Variants in MYOC observed in about 807,000 individuals in gnomAD.
MYOC encodes the protein myocilin.
Under a neutral mutation model 28.2 loss-of-function variants are expected in MYOC, and 29 were observed. The ratio of observed to expected loss-of-function variants is 1.03; its 90% CI spans 0.77 to 1.40. The LOEUF is 1.40. Ranked by LOEUF, MYOC falls within the 40% of genes most tolerant of loss-of-function variation. The probability of loss-of-function intolerance (pLI) is 0.00; values close to 1 mark genes in which losing one functional copy is unlikely to be tolerated. For synonymous variants in MYOC, 240 were observed against 245.6 expected (o/e 0.98, Z 0.21); for missense variants, 569 against 620.6 (o/e 0.92, Z 0.88).
chr1:171,652,163 G>A lies in MYOC; in HGVS notation c.449C>T (p.Ser150Leu). ...TAYSNLLRDK[S>L]VLEEEKKRLR... The stretch of plus-strand genomic sequence containing the variant: ...TCGCTTCTTCTCTTCCTCCAGAACT[G>A]ACTTGTCTCGGAGGAGGTTGCTGTA... Residue 150 changes from serine (S) to leucine (L), a missense_variant, in exon 1 of 3, where the codon TCA becomes TTA. Coordinates refer to ENST00000037502, the MANE Select transcript of MYOC (RefSeq NM_000261.2). 6.2e-7 allele frequency: 1 copy of A among 1,614,116 alleles called. No individual in the cohort carries two copies. Among genetic ancestry groups the A allele is most frequent in the Non-Finnish European group, 8.5e-7 (1 of 1,180,010 alleles).
At chr1:171,641,679 G>C (rs985156017) in intron 1 of MYOC, among the ~76,000 whole-genome samples, 1 of 152,174 alleles carries the variant, frequency 6.6e-6, no homozygotes, top group Admixed American at 6.5e-5. Context: ...AGAATAAAAA[G>C]ACATGCTTAA....
At chr1:171,644,143 A>T (rs1205705061) in intron 1 of MYOC, among the ~76,000 whole-genome samples, 1 of 152,152 alleles carries the variant, frequency 6.6e-6, no homozygotes, top group Non-Finnish European at 1.5e-5. Flanking sequence ...TGTCAATACT[A>T]AAATTTCTCT....
rs57155423 is a variant in MYOC at position 171,640,082 on chromosome 1, T to TA, written c.605-1361dup. 3.1e-4 allele frequency among the ~76,000 whole-genome samples: 46 copies of TA among 146,530 alleles called. No homozygotes were observed. The South Asian group carries it at 3.7e-3, about 12-fold the overall frequency. On this transcript the variant is annotated intron_variant, in intron 1 of 2. Coordinates refer to ENST00000037502, the MANE Select transcript of MYOC (RefSeq NM_000261.2). ...TTGGGCAACATAGGGAGACTCCTGT[T>TA]AAAAAAAAAAAAAAGATAAAAGTTT...
chr1:171,651,541 G>T lies in MYOC; in HGVS notation c.604+467C>A, dbSNP rs7512128. ...GAGGTGCCATCTCTTTATTTTGCCA[G>T]GGAAGAACATTTAAAAATAAACAAA... On this transcript the variant is annotated intron_variant, in intron 1 of 2. Coordinates refer to ENST00000037502, the MANE Select transcript of MYOC (RefSeq NM_000261.2). Among the ~76,000 whole-genome samples the T allele has an allele frequency of 3.3e-5, 5 of 152,096 alleles. 1 individual carries two copies. The highest frequency in any genetic ancestry group is 7.4e-5 in the Non-Finnish European group (5 of 68,026).
intron 1 of MYOC, among the ~76,000 whole-genome samples, chr1:171,649,620 AC>A (rs1653307273): frequency 6.6e-6 from 1 of 152,144 alleles, no homozygotes; most frequent in Non-Finnish European, 1.5e-5. Context: ...ACATGGTGAA[AC>A]CCTGTCTCTA....
At chr1:171,641,928 A>G (rs1653086698) in intron 1 of MYOC, among the ~76,000 whole-genome samples, 1 of 152,232 alleles carries the variant, frequency 6.6e-6, no homozygotes, top group South Asian at 2.1e-4. Flanking sequence ...CAGAAGTCTT[A>G]ATCCTCTGGT....
intron 1 of MYOC, among the ~76,000 whole-genome samples, chr1:171,646,417 A>G (rs960371336): frequency 6.6e-6 from 1 of 152,324 alleles, no homozygotes. Context: ...GAAAACCAAA[A>G]AGAGACTGTG....
intron 2 of MYOC, 47 bp from the exon 3 acceptor site, chr1:171,636,756 T>C (rs752814461): frequency 6.3e-6 from 10 of 1,580,412 alleles, no homozygotes; most frequent in Non-Finnish European, 8.6e-6. Flanking sequence ...ATCCATAATC[T>C]TTCCAAACAC....
chr1:171,650,552 C>A (rs1312477858), intron 1 of MYOC, among the ~76,000 whole-genome samples: 1 of 152,148 alleles, frequency 6.6e-6, no homozygotes, highest in African/African-American at 2.4e-5. Context: ...ATGTTATGGA[C>A]AAGAAATGAA....
intron 2 of MYOC, among the ~76,000 whole-genome samples, chr1:171,637,321 C>T (rs1652946854): frequency 6.6e-6 from 1 of 152,030 alleles, no homozygotes; most frequent in African/African-American, 2.4e-5. Context: ...GTTTTTCAAG[C>T]CCTGATGAGT....
At chr1:171,641,993 T>C (rs1238310556) in intron 1 of MYOC, among the ~76,000 whole-genome samples, 1 of 152,214 alleles carries the variant, frequency 6.6e-6, no homozygotes, top group Non-Finnish European at 1.5e-5. Context: ...ATCTCCAGAG[T>C]CAGGGTACCT....
At chr1:171,642,546 C>T (rs1196321818) in intron 1 of MYOC, among the ~76,000 whole-genome samples, 1 of 150,260 alleles carries the variant, frequency 6.7e-6, no homozygotes, top group Admixed American at 6.6e-5. Flanking sequence ...TCCAAGAGGG[C>T]AAGGCTGCAG....
chr1:171,640,406 G>A (rs1315818073), intron 1 of MYOC, among the ~76,000 whole-genome samples: 1 of 152,052 alleles, frequency 6.6e-6, no homozygotes, highest in Non-Finnish European at 1.5e-5. Context: ...ACAAGGATGA[G>A]GCAATAGTCA....
rs774268708 is a variant in MYOC at position 171,636,595 on chromosome 1, TG to T, written c.844del (p.Gln282ArgfsTer64). 2.5e-6 allele frequency: 4 copies of T among 1,612,506 alleles called. No individual in the cohort carries two copies. The African/African-American group carries it at 4.0e-5, about 16-fold the overall frequency. ...RDPKPTYPYT[Q>X]ETTWRIDTVG... ...TGTGTCGATTCTCCACGTGGTCTCC[TG>T]GGTGTAGGGGTAGGTGGGCTTGGGG... On this transcript the variant is annotated frameshift_variant, in exon 3 of 3. Coordinates refer to ENST00000037502, the MANE Select transcript of MYOC (RefSeq NM_000261.2). LOFTEE classifies it low-confidence loss of function (END_TRUNC).
chr1:171,651,645 T>C (rs1196199502), intron 1 of MYOC, among the ~76,000 whole-genome samples: 1 of 152,172 alleles, frequency 6.6e-6, no homozygotes, highest in Non-Finnish European at 1.5e-5. Flanking sequence ...AAGGTACAAA[T>C]AACAATCTGA....
intron 1 of MYOC, among the ~76,000 whole-genome samples, chr1:171,643,585 G>A (rs1256133757): frequency 6.6e-6 from 1 of 152,202 alleles, no homozygotes; most frequent in Admixed American, 6.5e-5. Context: ...CTTGAATTGA[G>A]CTGGTTTCCT....
intron 1 of MYOC, 48 bp from the exon 2 acceptor site, chr1:171,638,770 C>A: frequency 6.2e-7 from 1 of 1,604,142 alleles, no homozygotes; most frequent in South Asian, 1.1e-5. Context: ...AAAAATGGCC[C>A]AAGGATTGAC....
At chr1:171,636,841 G>T in intron 2 of MYOC, 132 bp from the exon 3 acceptor site, 1 of 994,950 alleles carries the variant, frequency 1.0e-6, no homozygotes, top group South Asian at 1.4e-5. Context: ...TGGGTTTAAA[G>T]CTAGGCTCTA....
chr1:171,641,104 C>T (rs76621934), intron 1 of MYOC, among the ~76,000 whole-genome samples: 18,949 of 151,990 alleles, frequency 0.12, 1,264 homozygotes, highest in Middle Eastern at 0.28. Context: ...ACTGCTGTGG[C>T]GGGAGATGAT....
Sources: gnomAD v4.1 joint callset for allele counts (sites outside exome capture counted in the v4.1 genomes callset) on GRCh38, gnomAD v4.1.1 for gene constraint, MANE v1.5 for transcripts, NCBI Gene and HGNC (gene_info 2026-07-23, HGNC 2026-07-21) for gene names.